Variants in SLC24A2 observed in about 807,000 individuals in gnomAD.
The protein encoded by SLC24A2 is solute carrier family 24 member 2.
Under a neutral mutation model 62.0 loss-of-function variants are expected in SLC24A2, and 36 were observed. The observed-to-expected ratio is 0.58, with a 90% CI of 0.44 to 0.77. SLC24A2 has a LOEUF of 0.77. SLC24A2 is among the 30% of genes least tolerant of loss of function. The probability of loss-of-function intolerance (pLI) is 0.00; values close to 1 mark genes in which losing one functional copy is unlikely to be tolerated. For synonymous variants in SLC24A2, 358 were observed against 294.0 expected, an observed-to-expected ratio of 1.22 and a Z score of -2.23; for missense variants, 846 against 817.9, an observed-to-expected ratio of 1.03 and a Z score of -0.42.
chr9:20,015,208 T>C, the SLC24A2 span, among the ~76,000 whole-genome samples: 1 of 152,168 alleles, frequency 6.6e-6, no homozygotes, highest in Non-Finnish European at 1.5e-5. Context: ...GTGCTGGGCC[T>C]AACCTCAGCA....
chr9:19,900,738 T>A, the SLC24A2 span, among the ~76,000 whole-genome samples: 1 of 152,220 alleles, frequency 6.6e-6, no homozygotes, highest in African/African-American at 2.4e-5. Flanking sequence ...AGTTCTATCA[T>A]GATCTTTATT....
intron 2 of SLC24A2, among the ~76,000 whole-genome samples, chr9:19,715,049 T>TACC (rs1040941665): frequency 5.9e-5 from 9 of 151,990 alleles, no homozygotes; most frequent in Admixed American, 6.6e-5. Flanking sequence ...ACTCCATCCT[T>TACC]ACCACCACCA....
At chr9:20,081,655 CCT>C in the SLC24A2 span, among the ~76,000 whole-genome samples, 1 of 152,058 alleles carries the variant, frequency 6.6e-6, no homozygotes, top group African/African-American at 2.4e-5. Flanking sequence ...AGAAATGGAA[CCT>C]GTAGGTCAAA....
the SLC24A2 span, among the ~76,000 whole-genome samples, chr9:20,041,701 C>T: frequency 3.3e-5 from 5 of 152,260 alleles, no homozygotes; most frequent in Admixed American, 2.0e-4. Flanking sequence ...CTGCTCAATT[C>T]AGCCAAAGGA....
intron 2 of SLC24A2, among the ~76,000 whole-genome samples, chr9:19,768,747 C>G (rs1381265269): frequency 1.3e-5 from 2 of 152,186 alleles, no homozygotes; most frequent in Admixed American, 6.5e-5. Context: ...CTGTGGTTGA[C>G]TGTGGTTGAC....
intron 5 of SLC24A2, among the ~76,000 whole-genome samples, chr9:19,587,310 A>C (rs918438401): frequency 6.6e-6 from 1 of 152,196 alleles, no homozygotes; most frequent in South Asian, 2.1e-4. Flanking sequence ...AAAGTGGAAG[A>C]TTTTATATTT....
the SLC24A2 span, among the ~76,000 whole-genome samples, chr9:20,278,803 C>A: frequency 6.6e-6 from 1 of 152,170 alleles, no homozygotes; most frequent in Non-Finnish European, 1.5e-5. Context: ...TTCACATTTT[C>A]ACATATCTTT....
the SLC24A2 span, among the ~76,000 whole-genome samples, chr9:20,254,103 G>C: frequency 3.9e-4 from 59 of 152,296 alleles, no homozygotes; most frequent in African/African-American, 1.3e-3. Context: ...ATTCAGACCT[G>C]CTTTCAAACC....
the SLC24A2 span, among the ~76,000 whole-genome samples, chr9:19,799,776 A>G: frequency 6.6e-6 from 1 of 152,158 alleles, no homozygotes; most frequent in Non-Finnish European, 1.5e-5. Flanking sequence ...ACCACTATAA[A>G]TATGCTTAAT....
the SLC24A2 span, among the ~76,000 whole-genome samples, chr9:19,829,806 TATATAC>T: frequency 0.011 from 1,255 of 111,658 alleles, 11 homozygotes; most frequent in Non-Finnish European, 0.017. Context: ...TGTATATATA[TATATAC>T]ACACACACAC....
At chr9:20,019,145 GAA>G in the SLC24A2 span, among the ~76,000 whole-genome samples, 262 of 84,894 alleles carry the variant, frequency 3.1e-3, 10 homozygotes, top group Middle Eastern at 5.1e-3. Flanking sequence ...AAGAAAGAAA[GAA>G]AGAAAGAAAG....
chr9:19,580,091 T>TTAGCGTTA (rs1300000710), intron 5 of SLC24A2, among the ~76,000 whole-genome samples: 3 of 152,172 alleles, frequency 2.0e-5, no homozygotes, highest in Non-Finnish European at 2.9e-5. Context: ...GTAAGAGGGA[T>TTAGCGTTA]TAGCGTTATT....
the SLC24A2 span, among the ~76,000 whole-genome samples, chr9:19,905,383 C>T: frequency 1.3e-5 from 2 of 151,888 alleles, no homozygotes; most frequent in Non-Finnish European, 2.9e-5. Flanking sequence ...AAGTATTTCC[C>T]TTAACTCCAT....
the SLC24A2 span, among the ~76,000 whole-genome samples, chr9:19,905,487 C>CA: frequency 6.6e-6 from 1 of 151,494 alleles, no homozygotes; most frequent in East Asian, 2.0e-4. Context: ...AGGCTCAACA[C>CA]AACCTCTGCT....
chr9:19,953,713 A>G, the SLC24A2 span, among the ~76,000 whole-genome samples: 2 of 152,088 alleles, frequency 1.3e-5, no homozygotes, highest in East Asian at 1.9e-4. Context: ...TTAAATAACT[A>G]CAATTACTTA....
At chr9:20,263,233 G>T in the SLC24A2 span, among the ~76,000 whole-genome samples, 2 of 152,182 alleles carry the variant, frequency 1.3e-5, no homozygotes, top group African/African-American at 4.8e-5. Context: ...AGGAGACAGA[G>T]AGAGAAGAAT....
chr9:19,726,374 C>T (rs542021820), intron 2 of SLC24A2, among the ~76,000 whole-genome samples: 95 of 152,232 alleles, frequency 6.2e-4, no homozygotes, highest in African/African-American at 2.1e-3. Context: ...TTCGTGTGTG[C>T]GAATGTGTAT....
At chr9:20,046,474 C>A in the SLC24A2 span, among the ~76,000 whole-genome samples, 21 of 152,156 alleles carry the variant, frequency 1.4e-4, no homozygotes, top group African/African-American at 4.6e-4. Context: ...AAAGGAAATG[C>A]AAATTGAGTT....
At chr9:20,071,523 A>G in the SLC24A2 span, among the ~76,000 whole-genome samples, 1 of 152,226 alleles carries the variant, frequency 6.6e-6, no homozygotes, top group Non-Finnish European at 1.5e-5. Context: ...CTGTGGTAGG[A>G]TGAATAATGC....
Sources: gnomAD v4.1 joint callset for allele counts (sites outside exome capture counted in the v4.1 genomes callset) on GRCh38, gnomAD v4.1.1 for gene constraint, MANE v1.5 for transcripts, NCBI Gene and HGNC (gene_info 2026-07-23, HGNC 2026-07-21) for gene names.